Variants in MUSK observed in about 807,000 individuals in gnomAD.
MUSK encodes the protein muscle associated receptor tyrosine kinase.
In MUSK, 55 loss-of-function variants were observed where a neutral mutation model predicts 88.7. That is an observed-to-expected ratio of 0.62 (90% CI 0.50 to 0.78). MUSK has a LOEUF of 0.78. Ranked by LOEUF, MUSK falls within the 30% of genes least tolerant of loss-of-function variation. The pLI, the probability that MUSK is intolerant of heterozygous loss-of-function variation, is 0.00. For missense variants in MUSK, 1,015 were observed against 1,074.3 expected (o/e 0.94, Z 0.77); for synonymous variants, 387 against 391.9 (o/e 0.99, Z 0.15).
intron 5 of MUSK, among the ~76,000 whole-genome samples, chr9:110,707,103 A>G (rs979814699): frequency 6.6e-6 from 1 of 152,154 alleles, no homozygotes; most frequent in Non-Finnish European, 1.5e-5. Context: ...TAATCCCAAT[A>G]CATTGGAAGG....
At chr9:110,768,327 G>A (rs1164028005) in intron 9 of MUSK, among the ~76,000 whole-genome samples, 10 of 152,026 alleles carry the variant, frequency 6.6e-5, no homozygotes, top group South Asian at 6.2e-4. Flanking sequence ...GTGAAACCCC[G>A]TCTCTACTAA....
At chr9:110,690,033 T>TATATATTATA (rs2076301146) in intron 3 of MUSK, among the ~76,000 whole-genome samples, 1 of 94,644 alleles carries the variant, frequency 1.1e-5, no homozygotes, top group African/African-American at 4.4e-5. Flanking sequence ...TATTATATAT[T>TATATATTATA]AATATAAGTA....
chr9:110,768,982 T>C (rs2077527081), intron 9 of MUSK, among the ~76,000 whole-genome samples: 1 of 152,176 alleles, frequency 6.6e-6, no homozygotes, highest in Admixed American at 6.5e-5. Context: ...AAGAATCTAG[T>C]TTTTGAGCTA....
Position 110,697,402 on chromosome 9 carries a change from T to G in MUSK, c.564T>G (p.Tyr188Ter), listed in dbSNP as rs1002666517. ...HNVQKEDAGQYRCVAKNSLGT... is the reference protein window; with the variant it reads ...HNVQKEDAGQ ...TACAAAAGGAAGATGCAGGACAGTA[T>G]CGATGTGTGGCAAAAAACAGCCTCG... The change falls in exon 5 of 15, where the codon TAT becomes TAG. Residue 188 changes from tyrosine (Y) to a stop codon, truncating the protein, a stop_gained. Coordinates refer to ENST00000374448, the MANE Select transcript of MUSK (RefSeq NM_005592.4). LOFTEE classifies it high-confidence loss of function. The G allele has an allele frequency of 1.2e-6, 2 of 1,612,922 alleles. No homozygotes were observed. Among genetic ancestry groups the G allele is most frequent in the Non-Finnish European group, 1.7e-6 (2 of 1,179,290 alleles).
At chr9:110,689,720 T>TATATTATATATCAATATA (rs1479572084) in intron 3 of MUSK, among the ~76,000 whole-genome samples, 1 of 57,038 alleles carries the variant, frequency 1.8e-5, no homozygotes, top group Non-Finnish European at 2.8e-5. Context: ...ACTATATATG[T>TATATTATATATCAATATA]TATATATAGT....
chr9:110,731,216 T>A (rs1039792031), intron 5 of MUSK, among the ~76,000 whole-genome samples: 6 of 152,082 alleles, frequency 3.9e-5, no homozygotes, highest in African/African-American at 1.4e-4. Flanking sequence ...AGTCAGCTCA[T>A]GTTAAAAAGC....
chr9:110,746,857 C>A (rs2077180191), intron 6 of MUSK, among the ~76,000 whole-genome samples: 1 of 152,130 alleles, frequency 6.6e-6, no homozygotes, highest in Non-Finnish European at 1.5e-5. Flanking sequence ...GGCTTCACAA[C>A]CATTTTTCCT....
At position 110,804,308 on chromosome 9, in the gene MUSK, T is replaced by A. The variant is rs1276141049; in HGVS notation, c.*3320T>A. ...GGAAATGTCTGGACCAAATGGCATG[T>A]ACAATATTAACACTTCTGTTATGTG... On this transcript the variant is annotated 3_prime_UTR_variant, in exon 15 of 15. Transcript: ENST00000374448. Among the ~76,000 whole-genome samples, 1 of 152,152 alleles carries A rather than the reference T, an allele frequency of 6.6e-6. No homozygotes were observed. Among genetic ancestry groups the A allele is most frequent in the Non-Finnish European group, 1.5e-5 (1 of 67,996 alleles).
In MUSK at chr9:110,734,649, A is replaced by G. The variant is rs149262777; in HGVS notation, c.753+274A>G. Among the ~76,000 whole-genome samples, 483 of 152,266 alleles carry G rather than the reference A, an allele frequency of 3.2e-3. 5 individuals are homozygous for G. The highest frequency in any genetic ancestry group is 0.01 in the African/African-American group (430 of 41,572). ...GGAAGTGGTAATAATATCTTCCCATATAAGTAAAATAATTTTCATTAAACT... is the reference window on the plus strand; with the variant it reads ...GGAAGTGGTAATAATATCTTCCCATGTAAGTAAAATAATTTTCATTAAACT... On this transcript the variant is annotated intron_variant, in intron 6 of 14. Transcript: ENST00000374448.
chr9:110,676,775 A>T (rs2076036276), intron 1 of MUSK, among the ~76,000 whole-genome samples: 1 of 152,136 alleles, frequency 6.6e-6, no homozygotes, highest in African/African-American at 2.4e-5. Flanking sequence ...TATATGTATC[A>T]CATTTTCTTT....
intron 5 of MUSK, among the ~76,000 whole-genome samples, chr9:110,706,921 T>A (rs1485344630): frequency 6.6e-6 from 1 of 152,014 alleles, no homozygotes; most frequent in Non-Finnish European, 1.5e-5. Flanking sequence ...GGAGAACTGC[T>A]TGAGCCTGGG....
intron 6 of MUSK, 53 bp downstream of exon 6, chr9:110,734,428 C>A: frequency 6.2e-7 from 1 of 1,610,226 alleles, no homozygotes; most frequent in Middle Eastern, 1.7e-4. Context: ...TGGTGGTGAA[C>A]TTCAGGATAG....
intron 1 of MUSK, among the ~76,000 whole-genome samples, chr9:110,671,446 G>T (rs934581156): frequency 5.3e-5 from 8 of 152,104 alleles, no homozygotes; most frequent in African/African-American, 1.9e-4. Context: ...ATATGTATTA[G>T]CTAATAAATT....
At chr9:110,714,217 A>C (rs188284627) in intron 5 of MUSK, among the ~76,000 whole-genome samples, 2 of 152,318 alleles carry the variant, frequency 1.3e-5, no homozygotes, top group East Asian at 3.9e-4. Flanking sequence ...CGGTTGCTTT[A>C]TATACACCTA....
At chr9:110,699,773 C>T (rs1207064492) in intron 5 of MUSK, among the ~76,000 whole-genome samples, 2 of 152,108 alleles carry the variant, frequency 1.3e-5, no homozygotes, top group Non-Finnish European at 2.9e-5. Context: ...TGTATCAAGT[C>T]GTAACTCTGC....
intron 3 of MUSK, among the ~76,000 whole-genome samples, chr9:110,688,825 T>C (rs985092332): frequency 2.0e-5 from 3 of 151,700 alleles, no homozygotes; most frequent in Admixed American, 6.6e-5. Context: ...TAGTATTCCA[T>C]GGTGTTTAGG....
At chr9:110,766,538 G>A (rs1420409649) in intron 8 of MUSK, among the ~76,000 whole-genome samples, 1 of 152,138 alleles carries the variant, frequency 6.6e-6, no homozygotes, top group Admixed American at 6.5e-5. Flanking sequence ...AAGTATAGCT[G>A]TGTTTCTTGG....
chr9:110,745,274 G>T (rs945431780), intron 6 of MUSK, among the ~76,000 whole-genome samples: 23 of 152,150 alleles, frequency 1.5e-4, no homozygotes, highest in Non-Finnish European at 2.9e-4. Flanking sequence ...CCTTGAGGAG[G>T]TGTTTAAGAA....
intron 5 of MUSK, among the ~76,000 whole-genome samples, chr9:110,698,122 C>T (rs770857163): frequency 2.0e-5 from 3 of 152,136 alleles, no homozygotes; most frequent in African/African-American, 4.8e-5. Flanking sequence ...CCTAAAATTG[C>T]ACCACATTTT....
Sources: allele counts gnomAD v4.1 joint callset (sites outside exome capture counted in the v4.1 genomes callset), GRCh38; gene constraint gnomAD v4.1.1; transcripts MANE v1.5; gene names NCBI Gene and HGNC (gene_info 2026-07-23, HGNC 2026-07-21).